Variants in PTPRD observed in about 807,000 individuals in gnomAD.
PTPRD encodes receptor-type tyrosine-protein phosphatase delta.
In PTPRD, 34 loss-of-function variants were observed where a neutral mutation model predicts 214.5. The ratio of observed to expected loss-of-function variants is 0.16; its 90% CI spans 0.12 to 0.21. PTPRD has a LOEUF of 0.21. PTPRD is among the 10% of genes least tolerant of loss of function. The pLI, the probability that PTPRD is intolerant of heterozygous loss-of-function variation, is 1.00. For synonymous variants in PTPRD, 1,128 were observed against 845.7 expected (o/e 1.33, Z -5.79); for missense variants, 2,545 against 2,398.7 (o/e 1.06, Z -1.27).
intron 8 of PTPRD, among the ~76,000 whole-genome samples, chr9:9,424,747 A>T (rs2080163481): frequency 6.6e-6 from 1 of 152,182 alleles, no homozygotes; most frequent in Admixed American, 6.5e-5. Context: ...AGAATTAATA[A>T]ATTTAGGAAG....
chr9:10,571,526 T>C (rs1338767257), intron 2 of PTPRD, among the ~76,000 whole-genome samples: 2 of 152,156 alleles, frequency 1.3e-5, no homozygotes, highest in Non-Finnish European at 2.9e-5. Context: ...CCCTTACTTA[T>C]TGGATGACAG....
intron 7 of PTPRD, among the ~76,000 whole-genome samples, chr9:9,709,101 G>A (rs898238817): frequency 2.7e-4 from 41 of 151,850 alleles, no homozygotes; most frequent in African/African-American, 9.4e-4. Context: ...GAATAAATTG[G>A]CATATAAGTT....
chr9:10,596,260 A>G (rs2076599372), intron 2 of PTPRD, among the ~76,000 whole-genome samples: 1 of 151,830 alleles, frequency 6.6e-6, no homozygotes, highest in African/African-American at 2.4e-5. Flanking sequence ...CTTTAATAAG[A>G]CAGAACTTAC....
chr9:9,853,689 C>T (rs936861526), intron 5 of PTPRD, among the ~76,000 whole-genome samples: 3 of 152,010 alleles, frequency 2.0e-5, no homozygotes, highest in Non-Finnish European at 4.4e-5. Context: ...GTTGGGACTA[C>T]AGGTGCACAG....
At chr9:10,401,888 T>C (rs2098275721) in intron 2 of PTPRD, among the ~76,000 whole-genome samples, 1 of 151,136 alleles carries the variant, frequency 6.6e-6, no homozygotes, top group South Asian at 2.1e-4. Flanking sequence ...CTTTAATATA[T>C]TTACATCTGA....
intron 2 of PTPRD, among the ~76,000 whole-genome samples, chr9:10,466,518 G>C (rs1207834423): frequency 6.6e-6 from 1 of 150,922 alleles, no homozygotes; most frequent in Non-Finnish European, 1.5e-5. Flanking sequence ...AGCTACTCGG[G>C]AGGCTGAGGC....
chr9:9,487,074 T>C (rs2095670131), intron 8 of PTPRD, among the ~76,000 whole-genome samples: 1 of 152,180 alleles, frequency 6.6e-6, no homozygotes, highest in Non-Finnish European at 1.5e-5. Context: ...ATTATTATTA[T>C]GATACTTTAA....
At chr9:8,500,212 T>C (rs1159134636) in intron 24 of PTPRD, among the ~76,000 whole-genome samples, 1 of 152,048 alleles carries the variant, frequency 6.6e-6, no homozygotes, top group Non-Finnish European at 1.5e-5. Context: ...TTGATTGTTG[T>C]GTGTTTTTTA....
rs531763100 is a variant in PTPRD at position 8,756,069 on chromosome 9, A to T, written c.-103-22123T>A. On this transcript the variant is annotated intron_variant, in intron 11 of 45. Transcript: ENST00000381196. ...TAGAGGAAAAGATAATGAAACTTGA[A>T]GAAAGAATCCAAATGGGTAGAGGGA... Among the ~76,000 whole-genome samples, 17 of 152,348 alleles carry T rather than the reference A, an allele frequency of 1.1e-4. No homozygotes were observed. The South Asian group carries it at 3.5e-3, about 32-fold the overall frequency.
At chr9:8,762,100 A>ATG (rs1298024766) in intron 11 of PTPRD, among the ~76,000 whole-genome samples, 2 of 152,002 alleles carry the variant, frequency 1.3e-5, no homozygotes, top group Admixed American at 6.6e-5. Flanking sequence ...AGTTTAGGGG[A>ATG]TGTGTGTGTG....
At chr9:8,500,260 G>A (rs1215690603) in intron 24 of PTPRD, among the ~76,000 whole-genome samples, 2 of 151,824 alleles carry the variant, frequency 1.3e-5, no homozygotes, top group African/African-American at 4.8e-5. Context: ...AAAGATTCTT[G>A]ATTATATGTA....
intron 3 of PTPRD, among the ~76,000 whole-genome samples, chr9:10,067,042 G>A (rs1413956343): frequency 2.6e-5 from 4 of 151,790 alleles, no homozygotes; most frequent in African/African-American, 9.7e-5. Context: ...AGAAACTTGG[G>A]CATTTGGCCG....
intron 21 of PTPRD, among the ~76,000 whole-genome samples, chr9:8,517,004 G>C (rs2097792730): frequency 6.6e-6 from 1 of 151,912 alleles, no homozygotes; most frequent in South Asian, 2.1e-4. Flanking sequence ...TAGAGATGAG[G>C]TTTTGCCATT....
chr9:9,035,486 A>G (rs919223254), intron 10 of PTPRD, among the ~76,000 whole-genome samples: 1 of 152,060 alleles, frequency 6.6e-6, no homozygotes, highest in Non-Finnish European at 1.5e-5. Context: ...GGAAGGCAGG[A>G]GCCTAACATC....
At chr9:8,353,373 G>T (rs2076026188) in intron 39 of PTPRD, among the ~76,000 whole-genome samples, 1 of 152,010 alleles carries the variant, frequency 6.6e-6, no homozygotes, top group Admixed American at 6.6e-5. Flanking sequence ...TTAAACTCAT[G>T]GGTTTCTGAA....
chr9:9,552,598 T>A (rs959304019), intron 8 of PTPRD, among the ~76,000 whole-genome samples: 11 of 152,200 alleles, frequency 7.2e-5, no homozygotes, highest in Middle Eastern at 6.8e-3. Context: ...ACTTCTTCTG[T>A]CTAATGACCT....
intron 4 of PTPRD, among the ~76,000 whole-genome samples, chr9:10,004,126 G>C (rs1317028924): frequency 6.6e-6 from 1 of 151,710 alleles, no homozygotes; most frequent in African/African-American, 2.4e-5. Context: ...AAAAAGAAAA[G>C]AAATATATAG....
chr9:9,629,032 G>T (rs2095506516), intron 7 of PTPRD, among the ~76,000 whole-genome samples: 1 of 151,584 alleles, frequency 6.6e-6, no homozygotes. Flanking sequence ...AAATTAGCCA[G>T]GCATGGTGGT....
chr9:9,717,885 A>G (rs1051050652), intron 7 of PTPRD, among the ~76,000 whole-genome samples: 1 of 151,672 alleles, frequency 6.6e-6, no homozygotes, highest in African/African-American at 2.4e-5. Flanking sequence ...ATATTATTAT[A>G]GGAATCAAAA....
Sources: allele counts gnomAD v4.1 joint callset (sites outside exome capture counted in the v4.1 genomes callset), GRCh38; gene constraint gnomAD v4.1.1; transcripts MANE v1.5; gene names NCBI Gene and HGNC (gene_info 2026-07-23, HGNC 2026-07-21).